THUMPD3: variants seen among roughly 807,000 people sequenced by gnomAD.
The protein encoded by THUMPD3 is tRNA (guanine(6)-N(2))-methyltransferase THUMP3.
A neutral mutation model predicts 54.5 loss-of-function variants in THUMPD3; 44 were observed. The ratio of observed to expected loss-of-function variants is 0.81; its 90% CI spans 0.63 to 1.04. The LOEUF (loss-of-function observed/expected upper bound fraction) is 1.04. Among genes scored for constraint, THUMPD3 ranks in the 50% least tolerant of loss-of-function variants. The pLI, the probability that THUMPD3 is intolerant of heterozygous loss-of-function variation, is 0.00. For synonymous variants in THUMPD3, 196 were observed against 201.4 expected, an observed-to-expected ratio of 0.97 and a Z score of 0.23; for missense variants, 604 against 601.3, an observed-to-expected ratio of 1.00 and a Z score of -0.05.
rs774954171 is a variant in THUMPD3, at chr3:9,377,907, C to G, written c.1008+19C>G. On this transcript the variant is annotated intron_variant, in intron 6 of 9. Transcript: ENST00000452837. Reference sequence around the variant, plus strand: ...AATAGAGGTAATCATATTTCTTTAGCTTTTAGATAAGAGTGATACATCCAG... The same window carrying G: ...AATAGAGGTAATCATATTTCTTTAGGTTTTAGATAAGAGTGATACATCCAG... 8.2e-6 allele frequency: 13 copies of G among 1,591,492 alleles called. No individual in the cohort carries two copies. In the Admixed American group the frequency reaches 1.8e-4, roughly 22 times the overall value.
chr3:9,383,215 T>A lies in THUMPD3; in HGVS notation c.1141T>A (p.Leu381Met). The A allele has an allele frequency of 6.2e-7, 1 of 1,613,960 alleles. No individual in the cohort carries two copies. Among genetic ancestry groups the A allele is most frequent in the Non-Finnish European group, 8.5e-7 (1 of 1,179,804 alleles). The change falls in exon 8 of 10, where the codon TTG becomes ATG. Residue 381 changes from leucine to methionine, a missense_variant. Transcript: ENST00000452837. Reference protein sequence around the residue: ...QIKEGKPSWGLPIDAVQWDIC... With the variant: ...QIKEGKPSWGMPIDAVQWDIC... ...TCCCCACAGCAAACCCTCCTGGGGC[T>A]TGCCCATAGATGCTGTTCAGTGGGA... is the stretch of plus-strand genomic sequence containing the variant.
In THUMPD3 at chr3:9,366,974, A is replaced by C. The variant is rs373844254; in HGVS notation, c.319A>C (p.Lys107Gln). 6.2e-7 allele frequency: 1 copy of C among 1,613,454 alleles called. No homozygotes were observed. Among genetic ancestry groups the C allele is most frequent in the Non-Finnish European group, 8.5e-7 (1 of 1,179,740 alleles). Residue 107 changes from lysine (K) to glutamine (Q), a missense_variant, in exon 3 of 10, where the codon AAA becomes CAA. Lys to Gln is a moderately conservative substitution (Grantham distance 53). Coordinates refer to ENST00000452837, the MANE Select transcript of THUMPD3 (RefSeq NM_001114092.2). ...TCAGGAGTTTCAAGATTACCAGTTC[A>C]AACAAACAAAGGTGAGCTATCCTAA... ...VVQEFQDYQF[K>Q]QTKEEVLKDF... is the part of the protein sequence containing the mutation.
intron 7 of THUMPD3, among the ~76,000 whole-genome samples, chr3:9,382,036 G>A (rs576139421): frequency 6.6e-6 from 1 of 151,738 alleles, no homozygotes; most frequent in East Asian, 1.9e-4. Flanking sequence ...GCCCACCTTG[G>A]CCTCCCAAAG....
intron 1 of THUMPD3, chr3:9,363,424 A>C (rs1459710894): frequency 6.6e-6 from 1 of 152,222 alleles, no homozygotes; most frequent in Non-Finnish European, 1.5e-5. Context: ...TTTTTAGAAG[A>C]TGGAGATTGT....
chr3:9,380,641 A>G (rs767487871), intron 7 of THUMPD3, 23 bp downstream of exon 7: 1 of 1,505,646 alleles, frequency 6.6e-7, no homozygotes, highest in Non-Finnish European at 9.2e-7. Context: ...AAGATTTCTT[A>G]GCATCTTTTA....
At chr3:9,382,445 A>G (rs2033000647) in intron 7 of THUMPD3, among the ~76,000 whole-genome samples, 1 of 152,062 alleles carries the variant, frequency 6.6e-6, no homozygotes. Flanking sequence ...TTTATATAGC[A>G]TGGCACATAT....
Position 9,383,180 on chromosome 3 carries a change from CT to C in THUMPD3, c.1125-16del, listed in dbSNP as rs759971211. ...TATGCTTCACAGTATGTTGAAGCACCTTTCCTTTGTCCCCACAGCAAACCCT... is the reference window on the plus strand; with the variant it reads ...TATGCTTCACAGTATGTTGAAGCACCTTCCTTTGTCCCCACAGCAAACCCT... On this transcript the variant is annotated intron_variant, in intron 7 of 9. Coordinates refer to ENST00000452837, the MANE Select transcript of THUMPD3 (RefSeq NM_001114092.2). 10 of 1,581,032 alleles carry C rather than the reference CT, an allele frequency of 6.3e-6. No individual in the cohort carries two copies. Among genetic ancestry groups the C allele is most frequent in the Non-Finnish European group, 8.7e-6 (10 of 1,150,938 alleles).
At chr3:9,366,600 G>A (rs926490252) in intron 2 of THUMPD3, among the ~76,000 whole-genome samples, 15 of 152,180 alleles carry the variant, frequency 9.9e-5, no homozygotes, top group African/African-American at 3.1e-4. Flanking sequence ...ACCCTAGAAA[G>A]TCATCGAGGA....
At chr3:9,383,964 A>C (rs1298584763) in intron 8 of THUMPD3, among the ~76,000 whole-genome samples, 1 of 152,188 alleles carries the variant, frequency 6.6e-6, no homozygotes, top group African/African-American at 2.4e-5. Flanking sequence ...ATACAGTTTG[A>C]CTGCTTATTA....
At chr3:9,378,801 G>C (rs1350555174) in intron 6 of THUMPD3, among the ~76,000 whole-genome samples, 1 of 152,158 alleles carries the variant, frequency 6.6e-6, no homozygotes, top group East Asian at 1.9e-4. Flanking sequence ...GGCTTAAAGA[G>C]ACTGCACAGT....
At position 9,385,117 on chromosome 3, in the gene THUMPD3, G is replaced by A. The variant is rs929974106; in HGVS notation, c.*429G>A. 4.5e-5 allele frequency: 7 copies of A among 156,458 alleles called. No individual in the cohort carries two copies. Among genetic ancestry groups the A allele is most frequent in the African/African-American group, 1.7e-4 (7 of 41,510 alleles). 9.7% of individuals were successfully genotyped at this position (156,458 alleles called of 1,614,324 possible). A position where few individuals can be genotyped will look rare whatever the true frequency, so the allele number is the denominator to read the frequency against. ...ATCACGCCATTGCACTCCAGCCTGT[G>A]CGACAAGAGCGAAACTCTGTCTCAA... On this transcript the variant is annotated 3_prime_UTR_variant, in exon 10 of 10. Coordinates refer to ENST00000452837, the MANE Select transcript of THUMPD3 (RefSeq NM_001114092.2).
chr3:9,376,072 G>A (rs1389048422), intron 5 of THUMPD3, among the ~76,000 whole-genome samples: 1 of 152,186 alleles, frequency 6.6e-6, no homozygotes, highest in East Asian at 1.9e-4. Context: ...TAACAAATAT[G>A]CATTATCTAC....
intron 3 of THUMPD3, among the ~76,000 whole-genome samples, chr3:9,367,937 C>T (rs1194697791): frequency 3.3e-5 from 5 of 151,916 alleles, no homozygotes; most frequent in Admixed American, 6.6e-5. Context: ...TAGTGGTGGG[C>T]GCCTGTAGTC....
intron 5 of THUMPD3, among the ~76,000 whole-genome samples, chr3:9,377,460 G>A (rs1406707565): frequency 1.3e-5 from 2 of 151,926 alleles, no homozygotes; most frequent in East Asian, 1.9e-4. Flanking sequence ...TGCAATCCCC[G>A]CCTTCTGGGT....
rs1252550880 is a variant in THUMPD3 at position 9,385,996 on chromosome 3, CA to C, written c.*1310del. On this transcript the variant is annotated 3_prime_UTR_variant, in exon 10 of 10. Coordinates refer to ENST00000452837, the MANE Select transcript of THUMPD3 (RefSeq NM_001114092.2). ...TTGTTTATTTTGGAGCCTCTGGCTGCAATCAGTATAGATTTTCAGTATCCTA... is the reference window on the plus strand; with the variant it reads ...TTGTTTATTTTGGAGCCTCTGGCTGCATCAGTATAGATTTTCAGTATCCTA... 6.6e-6 allele frequency: 1 copy of C among 152,110 alleles called. No homozygotes were observed. Among genetic ancestry groups the C allele is most frequent in the African/African-American group, 2.4e-5 (1 of 41,406 alleles). 9.4% of individuals were successfully genotyped at this position (152,110 alleles called of 1,614,324 possible).
At chr3:9,365,956 G>A (rs2031529796) in intron 2 of THUMPD3, among the ~76,000 whole-genome samples, 2 of 152,064 alleles carry the variant, frequency 1.3e-5, no homozygotes, top group South Asian at 4.2e-4. Context: ...TCAGCATTGT[G>A]TTGGGGCTCA....
At chr3:9,372,542 T>C (rs2032137262) in intron 4 of THUMPD3, among the ~76,000 whole-genome samples, 1 of 151,694 alleles carries the variant, frequency 6.6e-6, no homozygotes, top group Non-Finnish European at 1.5e-5. Flanking sequence ...ATCATGCCAC[T>C]GCACTTCAGC....
intron 2 of THUMPD3, 118 bp downstream of exon 2, chr3:9,365,438 T>C: frequency 7.7e-7 from 1 of 1,305,704 alleles, no homozygotes; most frequent in East Asian, 2.3e-5. Flanking sequence ...CCAAATCAGG[T>C]GATTTTAAAG....
At position 9,380,491 on chromosome 3, in the gene THUMPD3, C is replaced by CT. The variant is rs748429807; in HGVS notation, c.1009-10dup. 8.9e-6 allele frequency: 14 copies of CT among 1,566,922 alleles called. No individual in the cohort carries two copies. The highest frequency in any genetic ancestry group is 4.1e-5 in the African/African-American group (3 of 73,678). On this transcript the variant is annotated splice_polypyrimidine_tract_variant and intron_variant, in intron 6 of 9. Coordinates refer to ENST00000452837, the MANE Select transcript of THUMPD3 (RefSeq NM_001114092.2). ...TGCTACTTTTGTTTTAACATACACT[C>CT]TTATCTTTTAGGGGGCCACTGAATG...
Sources: gnomAD v4.1 joint callset for allele counts (sites outside exome capture counted in the v4.1 genomes callset) on GRCh38, gnomAD v4.1.1 for gene constraint, MANE v1.5 for transcripts, NCBI Gene and HGNC (gene_info 2026-07-23, HGNC 2026-07-21) for gene names.